PITPNC1: variants seen among roughly 807,000 people sequenced by gnomAD.
PITPNC1 encodes the protein cytoplasmic phosphatidylinositol transfer protein 1.
A neutral mutation model predicts 44.7 loss-of-function variants in PITPNC1; 18 were observed. The observed-to-expected ratio is 0.40, with a 90% confidence interval of 0.28 to 0.60. PITPNC1 has a LOEUF of 0.60. Among genes scored for constraint, PITPNC1 ranks in the 20% least tolerant of loss-of-function variants. The pLI is 0.39. For synonymous variants in PITPNC1, 141 were observed against 149.6 expected (o/e 0.94, Z 0.42); for missense variants, 290 against 418.4 (o/e 0.69, Z 2.68).
intron 1 of PITPNC1, among the ~76,000 whole-genome samples, chr17:67,411,600 A>G (rs2038498243): frequency 6.6e-6 from 1 of 152,112 alleles, no homozygotes; most frequent in Non-Finnish European, 1.5e-5. Flanking sequence ...CCTGTGTCCT[A>G]GTAGGTCACC....
chr17:67,388,832 C>CT (rs1194605121), intron 1 of PITPNC1, among the ~76,000 whole-genome samples: 3 of 152,218 alleles, frequency 2.0e-5, no homozygotes, highest in Non-Finnish European at 4.4e-5. Context: ...GTAGGCCAGG[C>CT]TGGTCTCGAA....
chr17:67,466,639 T>G (rs547382305), intron 1 of PITPNC1, among the ~76,000 whole-genome samples: 21 of 152,280 alleles, frequency 1.4e-4, no homozygotes, highest in Admixed American at 1.2e-3. Flanking sequence ...AATTCAGTGT[T>G]GTTAGCCCTT....
chr17:67,488,355 C>T (rs1223799903), intron 1 of PITPNC1, among the ~76,000 whole-genome samples: 1 of 152,164 alleles, frequency 6.6e-6, no homozygotes, highest in African/African-American at 2.4e-5. Flanking sequence ...AACCCAGAGG[C>T]CTGCCAGACG....
chr17:67,460,262 A>C (rs2039316049), intron 1 of PITPNC1, among the ~76,000 whole-genome samples: 1 of 152,166 alleles, frequency 6.6e-6, no homozygotes, highest in Non-Finnish European at 1.5e-5. Context: ...AGTTTAAGGC[A>C]TCAGGGTGTT....
intron 3 of PITPNC1, chr17:67,553,340 C>G (rs1051861302): frequency 6.6e-6 from 2 of 302,640 alleles, no homozygotes; most frequent in South Asian, 1.6e-4. Flanking sequence ...AATGCCAACT[C>G]TTTGGTTTTT....
chr17:67,575,984 C>G (rs1355716694), intron 4 of PITPNC1, among the ~76,000 whole-genome samples: 2 of 145,214 alleles, frequency 1.4e-5, no homozygotes, highest in African/African-American at 2.5e-5. Flanking sequence ...TCAAGCGATT[C>G]TCGTGCCTCA....
intron 1 of PITPNC1, among the ~76,000 whole-genome samples, chr17:67,390,189 T>C (rs57174656): frequency 0.043 from 6,512 of 152,232 alleles, 436 homozygotes; most frequent in African/African-American, 0.15. Context: ...GGTTCTCTCC[T>C]GCAGCAGTGT....
chr17:67,381,439 C>T (rs2037958014), intron 1 of PITPNC1, among the ~76,000 whole-genome samples: 1 of 145,140 alleles, frequency 6.9e-6, no homozygotes, highest in African/African-American at 2.5e-5. Flanking sequence ...ATTCAACCTA[C>T]ATGGAACTTC....
intron 1 of PITPNC1, among the ~76,000 whole-genome samples, chr17:67,447,336 G>T (rs769559291): frequency 6.6e-6 from 1 of 151,716 alleles, no homozygotes; most frequent in Non-Finnish European, 1.5e-5. Context: ...AATATAAACT[G>T]CATGCTTAGT....
intron 1 of PITPNC1, among the ~76,000 whole-genome samples, chr17:67,454,104 A>G (rs896032877): frequency 1.3e-5 from 2 of 152,048 alleles, no homozygotes; most frequent in Admixed American, 1.3e-4. Flanking sequence ...TACAAAAATT[A>G]CCTGGGCCTG....
chr17:67,398,072 G>T (rs2038248114), intron 1 of PITPNC1, among the ~76,000 whole-genome samples: 1 of 146,102 alleles, frequency 6.8e-6, no homozygotes. Context: ...CAGCCTGGGC[G>T]ACAGAGCGAG....
chr17:67,534,762 C>T (rs2040506041), intron 2 of PITPNC1, among the ~76,000 whole-genome samples: 1 of 152,226 alleles, frequency 6.6e-6, no homozygotes, highest in African/African-American at 2.4e-5. Flanking sequence ...ACTTTTACCC[C>T]TACCTGTGGC....
intron 1 of PITPNC1, among the ~76,000 whole-genome samples, chr17:67,513,286 C>G (rs1178086929): frequency 1.3e-5 from 2 of 151,562 alleles, no homozygotes; most frequent in Non-Finnish European, 2.9e-5. Context: ...GTAGCTTGAA[C>G]CCAGGAGGCA....
chr17:67,482,536 G>A (rs78698494), intron 1 of PITPNC1, among the ~76,000 whole-genome samples: 2,359 of 152,188 alleles, frequency 0.016, 59 homozygotes, highest in African/African-American at 0.054. Context: ...ACAAAGCCTC[G>A]CAAAGTCAAG....
chr17:67,531,371 G>A (rs1027632122), intron 1 of PITPNC1, among the ~76,000 whole-genome samples: 9 of 152,312 alleles, frequency 5.9e-5, no homozygotes, highest in Non-Finnish European at 1.0e-4. Context: ...ATACGCTCAC[G>A]TTAAAAGCGT....
intron 1 of PITPNC1, among the ~76,000 whole-genome samples, chr17:67,381,796 C>G (rs2037964514): frequency 6.6e-6 from 1 of 152,176 alleles, no homozygotes; most frequent in Non-Finnish European, 1.5e-5. Context: ...TAGCAGTGTC[C>G]ATACTTTTGA....
intron 6 of PITPNC1, among the ~76,000 whole-genome samples, chr17:67,663,273 A>G (rs79664137): frequency 0.032 from 4,855 of 152,172 alleles, 123 homozygotes; most frequent in Middle Eastern, 0.082. Context: ...GGTGGTGTTA[A>G]AAGTTGAAGC....
chr17:67,521,438 G>A (rs1470906361), intron 1 of PITPNC1, among the ~76,000 whole-genome samples: 1 of 152,148 alleles, frequency 6.6e-6, no homozygotes, highest in Non-Finnish European at 1.5e-5. Context: ...ATAAATATGT[G>A]ATGATGCACT....
intron 1 of PITPNC1, among the ~76,000 whole-genome samples, chr17:67,415,058 T>G (rs2038567621): frequency 6.6e-6 from 1 of 152,116 alleles, no homozygotes; most frequent in East Asian, 1.9e-4. Flanking sequence ...TTTTGTATTT[T>G]TTGTGGAGAC....
Sources: allele counts gnomAD v4.1 joint callset (sites outside exome capture counted in the v4.1 genomes callset), GRCh38; gene constraint gnomAD v4.1.1; transcripts MANE v1.5; gene names NCBI Gene and HGNC (gene_info 2026-07-23, HGNC 2026-07-21).